Variants in FSD2 observed in about 807,000 individuals in gnomAD.
FSD2 encodes fibronectin type III and SPRY domain-containing protein 2.
Under a neutral mutation model 80.4 loss-of-function variants are expected in FSD2, and 71 were observed. The ratio of observed to expected loss-of-function variants is 0.88; its 90% CI spans 0.73 to 1.08. The LOEUF is 1.08. Among genes scored for constraint, FSD2 ranks in the 50% least tolerant of loss-of-function variants. The pLI, the probability that FSD2 is intolerant of heterozygous loss-of-function variation, is 0.00. For synonymous variants in FSD2, 361 were observed against 329.5 expected (o/e 1.10, Z -1.03); for missense variants, 923 against 913.8 (o/e 1.01, Z -0.13).
At chr15:82,804,488 T>C (rs971897908) in intron 1 of FSD2, among the ~76,000 whole-genome samples, 6 of 152,166 alleles carry the variant, frequency 3.9e-5, no homozygotes, top group African/African-American at 1.4e-4. Context: ...AGCCCTGTGC[T>C]TGAATCCAAG....
At chr15:82,796,637 C>T (rs2151537194) in intron 1 of FSD2, among the ~76,000 whole-genome samples, 1 of 152,308 alleles carries the variant, frequency 6.6e-6, no homozygotes, top group East Asian at 1.9e-4. Flanking sequence ...CAATAGATGA[C>T]TAGTTCATTG....
Position 82,782,781 on chromosome 15 carries a change from G to T in FSD2, c.966+14C>A. The T allele has an allele frequency of 1.3e-6, 2 of 1,533,964 alleles. No individual in the cohort carries two copies. The highest frequency in any genetic ancestry group is 2.3e-5 in the East Asian group (1 of 44,330). ...TCCATTATGTTCATTATTTCATTTT[G>T]TTTCATTACTGACCTTTATGAAATC... On this transcript the variant is annotated intron_variant, in intron 4 of 12. Coordinates refer to ENST00000334574, the MANE Select transcript of FSD2 (RefSeq NM_001007122.4).
chr15:82,765,902 G>T lies in FSD2; in HGVS notation c.1683C>A (p.Thr561=). Residue 561 remains threonine (T), a synonymous_variant, in exon 10 of 13, where the codon ACC becomes ACA. Coordinates refer to ENST00000334574, the MANE Select transcript of FSD2 (RefSeq NM_001007122.4). The part of the protein sequence containing the change: ...SVRSEPATVH[T]IGSYFRLNKD... Reference sequence around the variant, plus strand: ...TTTGTGGGCTGGGGCACAGACCTATGGTGTGGACTGTAGCTGGCTCGCTCC... The same window carrying T: ...TTTGTGGGCTGGGGCACAGACCTATTGTGTGGACTGTAGCTGGCTCGCTCC... 3 of 1,609,544 alleles carry T rather than the reference G, an allele frequency of 1.9e-6. No homozygotes were observed. Among genetic ancestry groups the T allele is most frequent in the Non-Finnish European group, 2.5e-6 (3 of 1,178,292 alleles).
At chr15:82,799,134 C>G (rs2050350428) in intron 1 of FSD2, among the ~76,000 whole-genome samples, 2 of 152,146 alleles carry the variant, frequency 1.3e-5, no homozygotes, top group Admixed American at 1.3e-4. Flanking sequence ...CCTTGGTCTC[C>G]CAAAATGTTG....
chr15:82,760,821 T>C (rs747864446), intron 12 of FSD2, among the ~76,000 whole-genome samples: 13 of 152,174 alleles, frequency 8.5e-5, no homozygotes, highest in Non-Finnish European at 1.9e-4. Context: ...TGCCCTTCTT[T>C]TGTCATTCTT....
chr15:82,780,133 T>C lies in FSD2; in HGVS notation c.989+112A>G, dbSNP rs1177188722. ...AAAGCCAGTGCTAATTTAATCAGGA[T>C]TGACACAAAAGCTGAAACTGGAACC... On this transcript the variant is annotated intron_variant, in intron 5 of 12. Transcript: ENST00000334574. The C allele has an allele frequency of 4.1e-6, 3 of 724,790 alleles. No individual in the cohort carries two copies. The East Asian group carries it at 8.9e-5, about 22-fold the overall frequency. The allele number at this position is 724,790 out of a possible 1,614,324, so 44.9% of individuals were successfully genotyped here.
chr15:82,767,621 C>T (rs917599734), intron 9 of FSD2, among the ~76,000 whole-genome samples: 20 of 152,198 alleles, frequency 1.3e-4, no homozygotes, highest in Admixed American at 1.2e-3. Flanking sequence ...GAGTTGGTCC[C>T]AGGTGTCAAG....
intron 1 of FSD2, among the ~76,000 whole-genome samples, chr15:82,801,719 T>C (rs926442722): frequency 6.6e-6 from 1 of 152,158 alleles, no homozygotes; most frequent in African/African-American, 2.4e-5. Context: ...GGAACATCAC[T>C]CTTGGAGTTC....
At chr15:82,775,052 A>G (rs538998942) in intron 6 of FSD2, among the ~76,000 whole-genome samples, 13 of 151,446 alleles carry the variant, frequency 8.6e-5, no homozygotes, top group African/African-American at 3.1e-4. Flanking sequence ...TTTTTCAGAC[A>G]TTGACATTTC....
chr15:82,783,665 A>G (rs929674192), intron 3 of FSD2, among the ~76,000 whole-genome samples: 4 of 152,140 alleles, frequency 2.6e-5, no homozygotes, highest in Non-Finnish European at 4.4e-5. Flanking sequence ...TCTGCCCGAT[A>G]TTGGACCTTA....
At chr15:82,793,562 G>A (rs2050197252) in intron 1 of FSD2, among the ~76,000 whole-genome samples, 1 of 152,144 alleles carries the variant, frequency 6.6e-6, no homozygotes, top group Non-Finnish European at 1.5e-5. Context: ...TGGCTTTCCA[G>A]GAAGTTTACA....
At chr15:82,760,053 C>G (rs1326292546) in intron 12 of FSD2, among the ~76,000 whole-genome samples, 1 of 152,174 alleles carries the variant, frequency 6.6e-6, no homozygotes, top group East Asian at 1.9e-4. Context: ...CTTGGCCTCC[C>G]AAAGTGCTGG....
chr15:82,800,691 C>CAAAAAAAAAAAAAAAA (rs769762172), intron 1 of FSD2, among the ~76,000 whole-genome samples: 4 of 47,818 alleles, frequency 8.4e-5, no homozygotes, highest in Non-Finnish European at 1.0e-4. Flanking sequence ...GATTCTGTCT[C>CAAAAAAAAAAAAAAAA]AAAAAAAAAA....
chr15:82,767,414 T>C (rs370889823), intron 9 of FSD2, among the ~76,000 whole-genome samples: 139 of 152,046 alleles, frequency 9.1e-4, no homozygotes, highest in African/African-American at 3.3e-3. Context: ...ACATGACCAA[T>C]GTGGTGGGAT....
intron 1 of FSD2, among the ~76,000 whole-genome samples, chr15:82,799,020 G>A (rs1014771273): frequency 2.6e-5 from 4 of 151,720 alleles, no homozygotes; most frequent in African/African-American, 9.7e-5. Context: ...TGGGATCACA[G>A]GCATGCACCA....
intron 1 of FSD2, among the ~76,000 whole-genome samples, chr15:82,789,782 C>T (rs1209334497): frequency 6.6e-6 from 1 of 152,174 alleles, no homozygotes; most frequent in African/African-American, 2.4e-5. Flanking sequence ...TGATACAGAA[C>T]TCCTCTGAGC....
chr15:82,778,657 T>C, intron 6 of FSD2, 109 bp downstream of exon 6: 2 of 1,277,160 alleles, frequency 1.6e-6, no homozygotes, highest in Non-Finnish European at 2.1e-6. Context: ...TATTGTACAC[T>C]TTAAAATTTG....
intron 8 of FSD2, 66 bp from the exon 9 acceptor site, chr15:82,769,096 C>T: frequency 7.5e-7 from 1 of 1,341,024 alleles, no homozygotes. Flanking sequence ...TTGTTCAGAG[C>T]CATGGACAAA....
intron 1 of FSD2, among the ~76,000 whole-genome samples, chr15:82,798,860 C>T: frequency 6.7e-6 from 1 of 149,050 alleles, no homozygotes; most frequent in African/African-American, 2.5e-5. Context: ...GTTTTCTTTC[C>T]ACTATCTCCA....
Sources: gnomAD v4.1 joint callset for allele counts (sites outside exome capture counted in the v4.1 genomes callset) on GRCh38, gnomAD v4.1.1 for gene constraint, MANE v1.5 for transcripts, NCBI Gene and HGNC (gene_info 2026-07-23, HGNC 2026-07-21) for gene names.